The following PAQR5 variants were observed in gnomAD, a reference collection of about 807,000 sequenced individuals.
PAQR5 encodes the protein membrane progestin receptor gamma.
A neutral mutation model predicts 34.5 loss-of-function variants in PAQR5; 20 were observed. The ratio of observed to expected loss-of-function variants is 0.58; its 90% confidence interval spans 0.41 to 0.84. The LOEUF is 0.84. Among genes scored for constraint, PAQR5 ranks in the 40% least tolerant of loss-of-function variants. The probability of loss-of-function intolerance (pLI) is 0.00; values close to 1 mark genes in which losing one functional copy is unlikely to be tolerated. For missense variants in PAQR5, 378 were observed against 412.7 expected, an observed-to-expected ratio of 0.92 and a Z score of 0.73; for synonymous variants, 131 against 155.6, an observed-to-expected ratio of 0.84 and a Z score of 1.18.
chr15:69,327,578 G>A (rs966382843), intron 1 of PAQR5, among the ~76,000 whole-genome samples: 3 of 152,104 alleles, frequency 2.0e-5, no homozygotes, highest in Admixed American at 2.0e-4. Context: ...TCACCTGCAG[G>A]CATATTAAGC....
Position 69,386,984 on chromosome 15 carries a change from C to A in PAQR5, c.385+2102C>A, listed in dbSNP as rs138899453. On this transcript the variant is annotated intron_variant, in intron 5 of 8. Transcript: ENST00000395407. The stretch of plus-strand genomic sequence containing the variant: ...TCCTCTCACTCCCCACCCACGCCCA[C>A]CCTCTGGCCAATTGGTTATTAAGGC... 1.6e-4 allele frequency among the ~76,000 whole-genome samples: 24 copies of A among 152,168 alleles called. No individual in the cohort carries two copies. The East Asian group carries it at 3.7e-3, about 23-fold the overall frequency.
intron 6 of PAQR5, 147 bp downstream of exon 6, chr15:69,389,927 C>A: frequency 2.3e-6 from 2 of 878,580 alleles, no homozygotes; most frequent in Non-Finnish European, 3.4e-6. Context: ...ACTTCCTATG[C>A]TGGCAAAACC....
At chr15:69,322,745 A>G (rs59406608) in intron 1 of PAQR5, among the ~76,000 whole-genome samples, 481 of 36,876 alleles carry the variant, frequency 0.013, 50 homozygotes, top group African/African-American at 0.017. Flanking sequence ...AAGAAGAAGA[A>G]GAAGAAGAAG....
At chr15:69,379,734 A>C in intron 3 of PAQR5, 149 bp from the exon 4 acceptor site, 3 of 1,202,814 alleles carry the variant, frequency 2.5e-6, no homozygotes, top group African/African-American at 1.5e-5. Flanking sequence ...CTGCGAGGGA[A>C]GGAGAGAGTG....
chr15:69,339,727 C>A (rs2054596109), intron 2 of PAQR5, among the ~76,000 whole-genome samples: 1 of 152,192 alleles, frequency 6.6e-6, no homozygotes, highest in African/African-American at 2.4e-5. Flanking sequence ...CTCACCTGGG[C>A]CTCCCAAAGT....
At chr15:69,348,666 A>G (rs1203765470) in intron 2 of PAQR5, among the ~76,000 whole-genome samples, 3 of 152,106 alleles carry the variant, frequency 2.0e-5, no homozygotes, top group Non-Finnish European at 4.4e-5. Flanking sequence ...TGCATATAGT[A>G]CTAGACTCCA....
intron 2 of PAQR5, among the ~76,000 whole-genome samples, chr15:69,349,513 C>T (rs1340163790): frequency 8.5e-5 from 13 of 152,184 alleles, no homozygotes; most frequent in Admixed American, 8.5e-4. Context: ...AGAGATTCTG[C>T]ATGTAATGTT....
chr15:69,379,714 T>C (rs2055826286), intron 3 of PAQR5, 169 bp from the exon 4 acceptor site: 24 of 761,932 alleles, frequency 3.1e-5, no homozygotes, highest in Non-Finnish European at 3.8e-5. Flanking sequence ...ACAAGGGATT[T>C]TAGAAGCTAC....
Position 69,360,057 on chromosome 15 carries a change from T to C in PAQR5, c.-24T>C. 1 of 1,610,414 alleles carries C rather than the reference T, an allele frequency of 6.2e-7. No homozygotes were observed. The highest frequency in any genetic ancestry group is 2.2e-5 in the East Asian group (1 of 44,818). ...GTAACAGGGAGGCGCTGTCACCTACTGGCCTTGCCAATCCAGCTCCAAGAT... is the reference window on the plus strand; with the variant it reads ...GTAACAGGGAGGCGCTGTCACCTACCGGCCTTGCCAATCCAGCTCCAAGAT... On this transcript the variant is annotated 5_prime_UTR_variant, in exon 3 of 9. Transcript: ENST00000395407.
chr15:69,400,205 G>T, intron 8 of PAQR5, 90 bp downstream of exon 8: 2 of 1,293,004 alleles, frequency 1.5e-6, no homozygotes, highest in Non-Finnish European at 2.1e-6. Context: ...AGCTGCAAAG[G>T]GCAGGGAAGG....
At chr15:69,355,089 T>C (rs2055021030) in intron 2 of PAQR5, among the ~76,000 whole-genome samples, 1 of 152,108 alleles carries the variant, frequency 6.6e-6, no homozygotes, top group African/African-American at 2.4e-5. Flanking sequence ...CTCCAGCTTG[T>C]TAGAGAGCCT....
intron 3 of PAQR5, among the ~76,000 whole-genome samples, chr15:69,374,316 G>T (rs1266288489): frequency 1.3e-5 from 2 of 152,158 alleles, no homozygotes; most frequent in African/African-American, 4.8e-5. Flanking sequence ...TCCTGCAAGG[G>T]ATGTGGCATA....
intron 8 of PAQR5, among the ~76,000 whole-genome samples, chr15:69,402,893 C>T (rs948816742): frequency 9.2e-5 from 14 of 152,222 alleles, no homozygotes; most frequent in Non-Finnish European, 1.6e-4. Flanking sequence ...CGTCCCTGTC[C>T]CTGTCACTCC....
chr15:69,307,389 A>G (rs967637974), intron 1 of PAQR5, among the ~76,000 whole-genome samples: 1 of 152,188 alleles, frequency 6.6e-6, no homozygotes, highest in Non-Finnish European at 1.5e-5. Flanking sequence ...AGGAACCATC[A>G]TAGTATTAAG....
intron 6 of PAQR5, among the ~76,000 whole-genome samples, chr15:69,396,343 C>T (rs894576201): frequency 2.0e-5 from 3 of 151,862 alleles, no homozygotes; most frequent in Non-Finnish European, 2.9e-5. Context: ...ATAGGAGCCA[C>T]AGCAGGACAC....
In PAQR5 at chr15:69,404,069, T is replaced by C. The variant is rs1349063391; in HGVS notation, c.*247T>C. 1.4e-5 allele frequency: 6 copies of C among 424,170 alleles called. No individual in the cohort carries two copies. Among genetic ancestry groups the C allele is most frequent in the Non-Finnish European group, 2.5e-5 (6 of 239,214 alleles). 26.3% of individuals were successfully genotyped at this position (424,170 alleles called of 1,614,324 possible). Reference sequence around the variant, plus strand: ...AGTCCTTGTTAAGGCAAACTATTGATATTTCATTAATTTTAAATTTACTTA... The same window carrying C: ...AGTCCTTGTTAAGGCAAACTATTGACATTTCATTAATTTTAAATTTACTTA... On this transcript the variant is annotated 3_prime_UTR_variant, in exon 9 of 9. Transcript: ENST00000395407.
chr15:69,376,026 A>T (rs967896033), intron 3 of PAQR5, among the ~76,000 whole-genome samples: 1 of 152,226 alleles, frequency 6.6e-6, no homozygotes, highest in African/African-American at 2.4e-5. Context: ...GCTTTCCTGG[A>T]TGCTGAGCTT....
In PAQR5 at chr15:69,378,264, T is replaced by TAAAAAAAAAAAAAAAAAAAAA. The variant is rs71149912; in HGVS notation, c.52-1613_52-1593dup. Among the ~76,000 whole-genome samples, 16 of 59,690 alleles carry TAAAAAAAAAAAAAAAAAAAAA rather than the reference T, an allele frequency of 2.7e-4. 1 individual carries two copies. The highest frequency in any genetic ancestry group is 1.3e-3 in the African/African-American group (15 of 11,860). 39.2% of individuals were successfully genotyped at this position (59,690 alleles called of 152,430 possible). The stretch of plus-strand genomic sequence containing the variant: ...TGGGCAACAAAATGAGACTCCATCT[T>TAAAAAAAAAAAAAAAAAAAAA]AAAAAAAAAAAAAAAAAAAAAAAAA... On this transcript the variant is annotated intron_variant, in intron 3 of 8. Transcript: ENST00000395407.
intron 4 of PAQR5, 80 bp downstream of exon 4, chr15:69,380,090 G>C: frequency 6.8e-7 from 1 of 1,470,968 alleles, no homozygotes; most frequent in Non-Finnish European, 9.4e-7. Flanking sequence ...GGCTAGTGTT[G>C]AGAGGGCTGA....
Sources: gnomAD v4.1 joint callset for allele counts (sites outside exome capture counted in the v4.1 genomes callset) on GRCh38, gnomAD v4.1.1 for gene constraint, MANE v1.5 for transcripts, NCBI Gene and HGNC (gene_info 2026-07-23, HGNC 2026-07-21) for gene names.